CFAP221: variants seen among roughly 807,000 people sequenced by gnomAD.
CFAP221 encodes cilia and flagella associated protein 221, also known as cilia- and flagella-associated protein 221.
CFAP221 carries 97 observed loss-of-function variants against 113.1 expected under a neutral mutation model. That is an observed-to-expected ratio of 0.86 (90% CI 0.73 to 1.02). The LOEUF (loss-of-function observed/expected upper bound fraction) is 1.02, where lower values mean the gene tolerates loss of function less well. CFAP221 is among the 50% of genes least tolerant of loss of function. The pLI is 0.00. For synonymous variants in CFAP221, 331 were observed against 354.4 expected, an observed-to-expected ratio of 0.93 and a Z score of 0.74; for missense variants, 1,025 against 1,013.4, an observed-to-expected ratio of 1.01 and a Z score of -0.16.
chr2:119,568,843 A>G (rs942855743), intron 6 of CFAP221, among the ~76,000 whole-genome samples: 13 of 152,008 alleles, frequency 8.6e-5, no homozygotes, highest in African/African-American at 2.9e-4. Context: ...TATTATATTA[A>G]TTTTCTCTAA....
chr2:119,588,926 G>C (rs774525403), intron 7 of CFAP221, among the ~76,000 whole-genome samples: 1 of 152,138 alleles, frequency 6.6e-6, no homozygotes, highest in Non-Finnish European at 1.5e-5. Context: ...CAGACACTCA[G>C]ACGATAGCAA....
chr2:119,628,495 A>G (rs545786672), intron 16 of CFAP221, among the ~76,000 whole-genome samples: 21 of 152,322 alleles, frequency 1.4e-4, no homozygotes, highest in African/African-American at 4.8e-4. Flanking sequence ...TTAATCTTCA[A>G]CAAATCTACC....
intron 7 of CFAP221, among the ~76,000 whole-genome samples, chr2:119,588,807 G>A (rs771026048): frequency 2.0e-5 from 3 of 152,078 alleles, no homozygotes; most frequent in Admixed American, 2.0e-4. Flanking sequence ...GGAGTGCTAG[G>A]GACATACACT....
At chr2:119,658,560 G>A (rs1159170506), downstream of CFAP221, among the ~76,000 whole-genome samples, 2 of 152,106 alleles carry the variant, frequency 1.3e-5, no homozygotes, top group Non-Finnish European at 2.9e-5. Flanking sequence ...TTGCTTCCGA[G>A]CCCTCTCAGT....
chr2:119,586,940 A>G (rs895921375), intron 6 of CFAP221, 179 bp from the exon 7 acceptor site: 9 of 471,570 alleles, frequency 1.9e-5, no homozygotes, highest in East Asian at 1.7e-4. Context: ...ACCTCATAGG[A>G]TTAAAATAGT....
intron 19 of CFAP221, among the ~76,000 whole-genome samples, chr2:119,632,100 A>C (rs1255171411): frequency 6.6e-6 from 1 of 151,682 alleles, no homozygotes; most frequent in East Asian, 1.9e-4. Flanking sequence ...GGAATAATAC[A>C]AAATCTACAC....
At chr2:119,563,532 C>T (rs916114100) in intron 6 of CFAP221, among the ~76,000 whole-genome samples, 14 of 152,044 alleles carry the variant, frequency 9.2e-5, no homozygotes, top group Non-Finnish European at 1.6e-4. Flanking sequence ...TACCTGGACT[C>T]TCCCCTGCCC....
intron 14 of CFAP221, among the ~76,000 whole-genome samples, chr2:119,619,439 G>A (rs957033204): frequency 6.6e-6 from 1 of 152,188 alleles, no homozygotes; most frequent in African/African-American, 2.4e-5. Flanking sequence ...TGATACCCAG[G>A]CAAATAGGGT....
intron 14 of CFAP221, among the ~76,000 whole-genome samples, chr2:119,616,540 G>A (rs963118092): frequency 1.3e-5 from 2 of 152,160 alleles, no homozygotes; most frequent in Non-Finnish European, 2.9e-5. Flanking sequence ...TGGTCCTCCA[G>A]TGGCTTCCTG....
intron 14 of CFAP221, among the ~76,000 whole-genome samples, chr2:119,625,353 G>A (rs80061665): frequency 0.015 from 2,287 of 152,248 alleles, 55 homozygotes; most frequent in African/African-American, 0.052. Context: ...AGTGGGACAA[G>A]GCCAGATGAC....
intron 7 of CFAP221, among the ~76,000 whole-genome samples, chr2:119,594,115 T>C (rs1161025409): frequency 6.6e-6 from 1 of 152,190 alleles, no homozygotes; most frequent in Non-Finnish European, 1.5e-5. Context: ...TTTCGTCTCC[T>C]TTGAGTGTGT....
rs1285520305 is a variant in CFAP221 at position 119,611,649 on chromosome 2, C to A, written c.1222-4C>A. On this transcript the variant is annotated splice_region_variant and splice_polypyrimidine_tract_variant and intron_variant, in intron 12 of 23. Coordinates refer to ENST00000413369, the MANE Select transcript of CFAP221 (RefSeq NM_001271049.2). ...TTAAATTATTTTGATGATTAAAAAC[C>A]CAGCTAGACAGAGGAGATCCTATTT... The A allele has an allele frequency of 3.7e-6, 6 of 1,601,158 alleles. No individual in the cohort carries two copies. The highest frequency in any genetic ancestry group is 4.3e-6 in the Non-Finnish European group (5 of 1,176,196).
chr2:119,624,149 C>T (rs1402322707), intron 14 of CFAP221, among the ~76,000 whole-genome samples: 1 of 152,150 alleles, frequency 6.6e-6, no homozygotes, highest in Non-Finnish European at 1.5e-5. Context: ...CCAGAATATA[C>T]AAGGAACTCA....
intron 3 of CFAP221, among the ~76,000 whole-genome samples, chr2:119,555,512 T>G (rs1680728995): frequency 6.6e-6 from 1 of 152,250 alleles, no homozygotes; most frequent in Admixed American, 6.5e-5. Context: ...TTTGAATGAT[T>G]ATTATTTTCC....
intron 2 of CFAP221, among the ~76,000 whole-genome samples, chr2:119,547,055 A>G (rs998353196): frequency 6.6e-6 from 1 of 152,188 alleles, no homozygotes; most frequent in Admixed American, 6.5e-5. Context: ...CCCTGGGTCT[A>G]GCTCTTAACA....
intron 23 of CFAP221, among the ~76,000 whole-genome samples, chr2:119,655,638 C>T (rs1481070445): frequency 6.6e-6 from 1 of 152,180 alleles, no homozygotes; most frequent in Admixed American, 6.5e-5. Context: ...TCGTCATTTC[C>T]TCCCACATAT....
intron 3 of CFAP221, chr2:119,556,097 G>C (rs747269107): frequency 2.6e-5 from 4 of 152,234 alleles, no homozygotes; most frequent in Non-Finnish European, 4.4e-5. Context: ...TTATTTGGTT[G>C]AAATATCCCT....
intron 3 of CFAP221, among the ~76,000 whole-genome samples, chr2:119,555,775 A>T (rs1680750361): frequency 1.3e-5 from 2 of 152,214 alleles, no homozygotes. Context: ...GTACCAGGTC[A>T]CTGTGTCTTC....
chr2:119,648,584 A>C (rs1313785665), intron 22 of CFAP221: 1 of 175,022 alleles, frequency 5.7e-6, no homozygotes, highest in Non-Finnish European at 1.4e-5. Context: ...CTATTTCCTG[A>C]ACTCCTGTTA....
Sources: gnomAD v4.1 joint callset for allele counts (sites outside exome capture counted in the v4.1 genomes callset) on GRCh38, gnomAD v4.1.1 for gene constraint, MANE v1.5 for transcripts, NCBI Gene and HGNC (gene_info 2026-07-23, HGNC 2026-07-21) for gene names.